The following SLC1A3 variants were observed in gnomAD, a reference collection of about 807,000 sequenced individuals.
The protein encoded by SLC1A3 is excitatory amino acid transporter 1.
A neutral mutation model predicts 48.1 loss-of-function variants in SLC1A3; 21 were observed. The ratio of observed to expected loss-of-function variants is 0.44; its 90% CI spans 0.31 to 0.63. The LOEUF is 0.63. SLC1A3 is among the 20% of genes least tolerant of loss of function. The pLI is 0.08. For synonymous variants in SLC1A3, 239 were observed against 251.4 expected, an observed-to-expected ratio of 0.95 and a Z score of 0.47; for missense variants, 546 against 689.0, an observed-to-expected ratio of 0.79 and a Z score of 2.32.
chr5:36,641,785 T>C (rs1372013762), intron 3 of SLC1A3, among the ~76,000 whole-genome samples: 1 of 152,206 alleles, frequency 6.6e-6, no homozygotes, highest in Admixed American at 6.5e-5. Context: ...CTTATGGGTA[T>C]AATAAAAAAT....
At chr5:36,651,786 A>G (rs1741087338) in intron 3 of SLC1A3, among the ~76,000 whole-genome samples, 2 of 152,136 alleles carry the variant, frequency 1.3e-5, no homozygotes, top group South Asian at 4.2e-4. Context: ...ACAGACAGAA[A>G]TCATCTTTCG....
chr5:36,608,794 C>T (rs1226321985), intron 2 of SLC1A3, 190 bp downstream of exon 2: 2 of 1,365,702 alleles, frequency 1.5e-6, no homozygotes, highest in Admixed American at 3.3e-5. Flanking sequence ...ATAGTAAACA[C>T]ATCATTAGGC....
intron 3 of SLC1A3, chr5:36,666,192 T>C (rs1013953968): frequency 6.6e-6 from 1 of 152,122 alleles, no homozygotes; most frequent in African/African-American, 2.4e-5. Context: ...CATTTTTCAA[T>C]CTGTAATTAT....
chr5:36,620,409 G>C (rs1739615132), intron 2 of SLC1A3, among the ~76,000 whole-genome samples: 1 of 152,148 alleles, frequency 6.6e-6, no homozygotes, highest in Admixed American at 6.5e-5. Context: ...ATTCAGTCAA[G>C]ATCCAGTCCC....
At chr5:36,616,326 GAGAA>G (rs1373706948) in intron 2 of SLC1A3, among the ~76,000 whole-genome samples, 1 of 152,168 alleles carries the variant, frequency 6.6e-6, no homozygotes, top group African/African-American at 2.4e-5. Flanking sequence ...AAACCAAAAA[GAGAA>G]AGATAAAAGG....
chr5:36,627,864 G>A (rs1297217429), intron 2 of SLC1A3, among the ~76,000 whole-genome samples: 1 of 152,152 alleles, frequency 6.6e-6, no homozygotes, highest in Non-Finnish European at 1.5e-5. Context: ...GAGTATATTT[G>A]ACTTTAAGCA....
intron 3 of SLC1A3, among the ~76,000 whole-genome samples, chr5:36,661,368 T>C (rs1178047706): frequency 6.6e-6 from 1 of 152,208 alleles, no homozygotes; most frequent in Non-Finnish European, 1.5e-5. Context: ...GCTGAGATCA[T>C]GCCACTGCAC....
In SLC1A3 at chr5:36,608,536, AG is replaced by A. The variant is rs773475623; in HGVS notation, c.115del (p.Glu39ArgfsTer35). The part of the protein sequence containing the change: ...LAKKKVQNIT[K>X]EDVKSYLFRN... ...AAGAAGAAAGTGCAGAACATTACAA[AG>A]GAGGATGTTAAAAGTTACCTGTTTC... On this transcript the variant is annotated frameshift_variant, in exon 2 of 10. Transcript: ENST00000265113. LOFTEE classifies it high-confidence loss of function. 1 of 1,614,112 alleles carries A rather than the reference AG, an allele frequency of 6.2e-7. No individual in the cohort carries two copies. Among genetic ancestry groups the A allele is most frequent in the African/African-American group, 1.3e-5 (1 of 75,064 alleles).
chr5:36,626,705 A>G (rs1006448465), intron 2 of SLC1A3, among the ~76,000 whole-genome samples: 6 of 152,234 alleles, frequency 3.9e-5, no homozygotes, highest in African/African-American at 1.2e-4. Context: ...TTTATATGTG[A>G]TAAAGCACTT....
chr5:36,667,606 T>A (rs568605340), intron 3 of SLC1A3: 30 of 152,296 alleles, frequency 2.0e-4, no homozygotes, highest in African/African-American at 6.7e-4. Flanking sequence ...TAATATAGTA[T>A]CAACAATATC....
rs575690167 is a variant in SLC1A3 at position 36,658,498 on chromosome 5, G to A, written c.320-12531G>A. Among the ~76,000 whole-genome samples, 14 of 152,294 alleles carry A rather than the reference G, an allele frequency of 9.2e-5. No individual in the cohort carries two copies. In the South Asian group the frequency reaches 2.5e-3, roughly 27 times the overall value. ...TATTGAGTCTATAGAAAAGAAGACCGAAGTCCCCTGGTAAACGTATCTCAG... is the reference window on the plus strand; with the variant it reads ...TATTGAGTCTATAGAAAAGAAGACCAAAGTCCCCTGGTAAACGTATCTCAG... On this transcript the variant is annotated intron_variant, in intron 3 of 9. Transcript: ENST00000265113.
chr5:36,685,433 C>T (rs1178633959), intron 9 of SLC1A3, among the ~76,000 whole-genome samples: 5 of 152,082 alleles, frequency 3.3e-5, no homozygotes, highest in African/African-American at 4.8e-5. Flanking sequence ...CCCGCCACCA[C>T]GCCTGGCTAA....
At chr5:36,684,195 C>G (rs1021547265) in intron 9 of SLC1A3, among the ~76,000 whole-genome samples, 197 bp downstream of exon 9, 2 of 152,254 alleles carry the variant, frequency 1.3e-5, no homozygotes, top group African/African-American at 2.4e-5. Context: ...TGCACTCACT[C>G]CCCTGTCAGC....
Position 36,619,244 on chromosome 5 carries a change from C to T in SLC1A3, c.182-10206C>T, listed in dbSNP as rs1739569056. ...TTGCCTCCAACACTGAGTAGCTTCT[C>T]ACCAGGAAACGCCTGAAAGTTTGAC... On this transcript the variant is annotated intron_variant, in intron 2 of 9. Coordinates refer to ENST00000265113, the MANE Select transcript of SLC1A3 (RefSeq NM_004172.5). 3.3e-5 allele frequency among the ~76,000 whole-genome samples: 5 copies of T among 152,186 alleles called. No individual in the cohort carries two copies. In the South Asian group the frequency reaches 1.0e-3, roughly 32 times the overall value.
chr5:36,615,508 C>T (rs1484239426), intron 2 of SLC1A3, among the ~76,000 whole-genome samples: 3 of 152,134 alleles, frequency 2.0e-5, no homozygotes, highest in South Asian at 4.1e-4. Flanking sequence ...TCCCTTTGAC[C>T]TCTTGAGGGC....
intron 3 of SLC1A3, 24 bp from the exon 4 acceptor site, chr5:36,671,005 A>G (rs1741968588): frequency 6.2e-7 from 1 of 1,609,114 alleles, no homozygotes; most frequent in Admixed American, 1.7e-5. Flanking sequence ...GACTTCCTGA[A>G]AATCTTCTGT....
rs368824428 is a variant in SLC1A3, at chr5:36,679,647, T to A, written c.881T>A (p.Leu294His). The A allele has an allele frequency of 6.2e-7, 1 of 1,614,130 alleles. No individual in the cohort carries two copies. Among genetic ancestry groups the A allele is most frequent in the Non-Finnish European group, 8.5e-7 (1 of 1,179,966 alleles). ...VIMWYAPVGI[L>H]FLIAGKIVEM... ...CCCAGGTATGCCCCCGTGGGTATTC[T>A]CTTCCTGATTGCTGGGAAGATTGTG... Residue 294 changes from leucine (L) to histidine (H), a missense_variant, in exon 7 of 10, where the codon CTC becomes CAC. By Grantham distance (99) the Leu-to-His change is moderately conservative. Around this residue, in one of 3 missense-constraint regions of SLC1A3, gnomAD observed 348 missense variants for 392.0 expected, o/e 0.89. Transcript: ENST00000265113.
intron 6 of SLC1A3, among the ~76,000 whole-genome samples, chr5:36,678,593 A>G (rs773031934): frequency 1.3e-5 from 2 of 152,234 alleles, no homozygotes; most frequent in Non-Finnish European, 2.9e-5. Flanking sequence ...CAAGTCCTCC[A>G]TAGTTCCCAG....
chr5:36,629,794 A>G (rs1299007311), intron 3 of SLC1A3: 4 of 569,226 alleles, frequency 7.0e-6, no homozygotes, highest in Non-Finnish European at 9.4e-6. Context: ...ACAAGAGGAA[A>G]CGAATTTAAA....
Sources: gnomAD v4.1 joint callset for allele counts (sites outside exome capture counted in the v4.1 genomes callset) on GRCh38, gnomAD v4.1.1 for gene constraint, gnomAD v4.1.1 regional missense constraint, MANE v1.5 for transcripts, NCBI Gene and HGNC (gene_info 2026-07-23, HGNC 2026-07-21) for gene names.